Variants in HECW1 observed in about 807,000 individuals in gnomAD.
The protein encoded by HECW1 is HECT, C2 and WW domain containing E3 ubiquitin protein ligase 1, also known as E3 ubiquitin-protein ligase HECW1.
A neutral mutation model predicts 182.3 loss-of-function variants in HECW1; 61 were observed. The observed-to-expected ratio is 0.33, with a 90% CI of 0.27 to 0.41. HECW1 has a LOEUF of 0.41. Ranked by LOEUF, HECW1 falls within the 10% of genes least tolerant of loss-of-function variation. The pLI is 1.00. For synonymous variants in HECW1, 859 were observed against 832.6 expected (o/e 1.03, Z -0.55); for missense variants, 1,739 against 2,108.9 (o/e 0.82, Z 3.44).
chr7:43,148,786 T>G (rs1788983182), intron 2 of HECW1: 1 of 151,814 alleles, frequency 6.6e-6, no homozygotes, highest in Non-Finnish European at 1.5e-5. Context: ...TTGAAGAACA[T>G]GAGTACCTCA....
At chr7:43,437,784 AATCTCAAAGAATAAGCCTATTT>A (rs1421898461) in intron 8 of HECW1, among the ~76,000 whole-genome samples, 197 bp from the exon 9 acceptor site, 1 of 152,152 alleles carries the variant, frequency 6.6e-6, no homozygotes, top group Non-Finnish European at 1.5e-5. Flanking sequence ...TTACTGCTTG[AATCTCAAAGAATAAGCCTATTT>A]TTAAGCCCTG....
chr7:43,357,290 A>G (rs1815278864), intron 5 of HECW1, among the ~76,000 whole-genome samples: 1 of 152,210 alleles, frequency 6.6e-6, no homozygotes, highest in Non-Finnish European at 1.5e-5. Flanking sequence ...TGATTGCAGT[A>G]CTGATCACAA....
chr7:43,305,942 T>C (rs999801277), intron 3 of HECW1, among the ~76,000 whole-genome samples: 16 of 152,060 alleles, frequency 1.1e-4, no homozygotes, highest in Non-Finnish European at 2.1e-4. Flanking sequence ...GTATTTTTAG[T>C]AGAGACGGGG....
rs1247604403 is a variant in HECW1 at position 43,263,760 on chromosome 7, GGAGA to G, written c.27+19834_27+19837del. ...AAGGAGACAAAAGGAAGGGAGGGAG[GGAGA>G]GAGAGGGGACCAAAGAAAGAGAAAG... is the stretch of plus-strand genomic sequence containing the variant. On this transcript the variant is annotated intron_variant, in intron 3 of 29. Transcript: ENST00000395891. Among the ~76,000 whole-genome samples the G allele has an allele frequency of 2.6e-5, 4 of 152,078 alleles. No homozygotes were observed. In the East Asian group the frequency reaches 5.8e-4, roughly 22 times the overall value.
intron 24 of HECW1, among the ~76,000 whole-genome samples, chr7:43,526,880 C>T (rs2080778209): frequency 6.6e-6 from 1 of 152,128 alleles, no homozygotes; most frequent in African/African-American, 2.4e-5. Context: ...ACTGTGGTCC[C>T]TGCTACTCGG....
At chr7:43,358,818 CTTTTT>C (rs572118397) in intron 5 of HECW1, among the ~76,000 whole-genome samples, 3 of 93,450 alleles carry the variant, frequency 3.2e-5, no homozygotes, top group South Asian at 4.0e-4. Flanking sequence ...AAAATATATT[CTTTTT>C]TTTTTTTTTT....
chr7:43,458,663 A>G (rs77089726), intron 13 of HECW1, among the ~76,000 whole-genome samples: 26,313 of 152,242 alleles, frequency 0.17, 2,658 homozygotes, highest in South Asian at 0.23. Context: ...ATTTTTCCAT[A>G]CTTAACCTAT....
At chr7:43,519,583 A>G (rs113029357) in intron 24 of HECW1, among the ~76,000 whole-genome samples, 1 of 152,170 alleles carries the variant, frequency 6.6e-6, no homozygotes, top group Admixed American at 6.5e-5. Flanking sequence ...CTGCCGCACA[A>G]AACACCCAGG....
intron 24 of HECW1, among the ~76,000 whole-genome samples, chr7:43,534,263 C>G (rs1389837542): frequency 2.0e-5 from 3 of 152,178 alleles, no homozygotes; most frequent in African/African-American, 4.8e-5. Flanking sequence ...TAAATCGTGG[C>G]CTGTAAATAA....
chr7:43,297,845 G>A (rs1191464414), intron 3 of HECW1, among the ~76,000 whole-genome samples: 1 of 152,236 alleles, frequency 6.6e-6, no homozygotes, highest in Non-Finnish European at 1.5e-5. Context: ...GCCAAAGCAG[G>A]AGGATTACTG....
At chr7:43,254,589 A>G (rs1800370256) in intron 3 of HECW1, among the ~76,000 whole-genome samples, 1 of 152,214 alleles carries the variant, frequency 6.6e-6, no homozygotes, top group South Asian at 2.1e-4. Flanking sequence ...TGCTGACACC[A>G]TACTAGCAGG....
At chr7:43,165,804 C>T (rs1791056053) in intron 2 of HECW1, among the ~76,000 whole-genome samples, 1 of 152,102 alleles carries the variant, frequency 6.6e-6, no homozygotes, top group Admixed American at 6.5e-5. Context: ...AAATAACTTC[C>T]TTTCTATTTC....
chr7:43,204,911 A>T (rs750079198), intron 2 of HECW1, among the ~76,000 whole-genome samples: 1 of 152,144 alleles, frequency 6.6e-6, no homozygotes, highest in Non-Finnish European at 1.5e-5. Flanking sequence ...ATCTCACTGA[A>T]TGTTTGCATT....
At chr7:43,307,097 G>A (rs1357390862) in intron 3 of HECW1, among the ~76,000 whole-genome samples, 3 of 152,028 alleles carry the variant, frequency 2.0e-5, no homozygotes, top group Non-Finnish European at 4.4e-5. Flanking sequence ...AAAAAAACCA[G>A]CAGATGGTTT....
chr7:43,321,365 T>C (rs1810088546), intron 5 of HECW1, among the ~76,000 whole-genome samples: 1 of 152,184 alleles, frequency 6.6e-6, no homozygotes, highest in Non-Finnish European at 1.5e-5. Context: ...AATAAATCAT[T>C]ATCAGAGTTA....
chr7:43,372,671 A>T (rs1411968219), intron 6 of HECW1, among the ~76,000 whole-genome samples: 6 of 151,904 alleles, frequency 3.9e-5, no homozygotes, highest in African/African-American at 1.5e-4. Flanking sequence ...TTTTAAATAA[A>T]TTTTTTTACA....
At chr7:43,165,529 G>A (rs1791022633) in intron 2 of HECW1, among the ~76,000 whole-genome samples, 1 of 152,132 alleles carries the variant, frequency 6.6e-6, no homozygotes, top group South Asian at 2.1e-4. Context: ...TTACTCTGTG[G>A]AGTTTAGATA....
At chr7:43,450,363 C>G (rs1458477180) in intron 11 of HECW1, among the ~76,000 whole-genome samples, 2 of 152,112 alleles carry the variant, frequency 1.3e-5, no homozygotes, top group Non-Finnish European at 2.9e-5. Context: ...TGAAAAACAG[C>G]CTTTCGGCAG....
chr7:43,519,689 A>G (rs750290149), intron 24 of HECW1, among the ~76,000 whole-genome samples: 4 of 152,228 alleles, frequency 2.6e-5, no homozygotes, highest in Non-Finnish European at 5.9e-5. Flanking sequence ...CAGCAGATCC[A>G]CACTGCACAG....
Sources: allele counts gnomAD v4.1 joint callset (sites outside exome capture counted in the v4.1 genomes callset), GRCh38; gene constraint gnomAD v4.1.1; transcripts MANE v1.5; gene names NCBI Gene and HGNC (gene_info 2026-07-23, HGNC 2026-07-21).